Variants in WDR11 observed in about 807,000 individuals in gnomAD.
The protein encoded by WDR11 is WD repeat-containing protein 11.
A neutral mutation model predicts 151.2 loss-of-function variants in WDR11; 83 were observed. The observed-to-expected ratio is 0.55, with a 90% CI of 0.46 to 0.66. WDR11 has a LOEUF of 0.66. Ranked by LOEUF, WDR11 falls within the 30% of genes least tolerant of loss-of-function variation. The pLI, the probability that WDR11 is intolerant of heterozygous loss-of-function variation, is 0.00. For missense variants in WDR11, 1,301 were observed against 1,480.9 expected (o/e 0.88, Z 1.99); for synonymous variants, 484 against 533.1 (o/e 0.91, Z 1.27).
intron 26 of WDR11, 126 bp from the exon 27 acceptor site, chr10:120,905,750 G>A: frequency 3.3e-6 from 5 of 1,527,794 alleles, no homozygotes; most frequent in South Asian, 2.3e-5. Context: ...CAGCTTCAGG[G>A]CAGTGTGCTA....
intron 10 of WDR11, 41 bp downstream of exon 10, chr10:120,871,387 A>AAG (rs1564949112): frequency 6.3e-7 from 1 of 1,586,026 alleles, no homozygotes; most frequent in African/African-American, 1.4e-5. Context: ...AACTCACTTT[A>AAG]TAAGATGTTT....
intron 13 of WDR11, among the ~76,000 whole-genome samples, chr10:120,882,832 T>A (rs1391706333): frequency 6.6e-6 from 1 of 152,106 alleles, no homozygotes; most frequent in African/African-American, 2.4e-5. Context: ...TCTGTCATGC[T>A]TATCTTTTGT....
Position 120,866,773 on chromosome 10 carries a change from A to T in WDR11, c.1190+9A>T. On this transcript the variant is annotated intron_variant, in intron 8 of 28. Coordinates refer to ENST00000263461, the MANE Select transcript of WDR11 (RefSeq NM_018117.12). ...CGAAATTCACGGAACAGGTAAATGAATCAACAGGATCATGGTTTTGTTTTT... is the reference window on the plus strand; with the variant it reads ...CGAAATTCACGGAACAGGTAAATGATTCAACAGGATCATGGTTTTGTTTTT... 6.2e-7 allele frequency: 1 copy of T among 1,614,104 alleles called. No individual in the cohort carries two copies. Among genetic ancestry groups the T allele is most frequent in the South Asian group, 1.1e-5 (1 of 91,064 alleles).
chr10:120,863,470 G>A (rs892129042), intron 5 of WDR11, among the ~76,000 whole-genome samples: 7 of 152,136 alleles, frequency 4.6e-5, no homozygotes, highest in Non-Finnish European at 8.8e-5. Flanking sequence ...GTATTTCATA[G>A]GGTTGTTTTA....
At chr10:120,870,994 A>G (rs1846516981) in intron 9 of WDR11, among the ~76,000 whole-genome samples, 176 bp from the exon 10 acceptor site, 1 of 152,202 alleles carries the variant, frequency 6.6e-6, no homozygotes. Context: ...ATGCAATTTA[A>G]GTCCTATAGC....
intron 3 of WDR11, among the ~76,000 whole-genome samples, chr10:120,859,772 T>C (rs1202173012): frequency 2.0e-5 from 3 of 152,202 alleles, no homozygotes; most frequent in African/African-American, 7.2e-5. Flanking sequence ...TAGGAAAGTC[T>C]GACATCTTGG....
intron 21 of WDR11, among the ~76,000 whole-genome samples, chr10:120,901,509 A>G (rs1290446855): frequency 1.3e-5 from 2 of 152,230 alleles, no homozygotes; most frequent in African/African-American, 2.4e-5. Context: ...GCTGGTGTGC[A>G]CAGGTCTGGC....
Position 120,880,903 on chromosome 10 carries a change from T to TA in WDR11, c.1739+4dup. 1 of 1,590,332 alleles carries TA rather than the reference T, an allele frequency of 6.3e-7. No individual in the cohort carries two copies. The highest frequency in any genetic ancestry group is 8.6e-7 in the Non-Finnish European group (1 of 1,164,814). On this transcript the variant is annotated splice_region_variant and intron_variant, in intron 13 of 28. Transcript: ENST00000263461. ...AATGATTAAAGTATCTCATTTGAAG[T>TA]AAGTGTCAACCTAAAAAAAAATCTA...
intron 14 of WDR11, 80 bp from the exon 15 acceptor site, chr10:120,885,734 G>A: frequency 4.5e-6 from 7 of 1,543,556 alleles, no homozygotes; most frequent in Non-Finnish European, 6.2e-6. Flanking sequence ...GGGCAGTGGT[G>A]TGTGTGCCCA....
At position 120,864,234 on chromosome 10, in the gene WDR11, C is replaced by A. The variant is rs1446011945; in HGVS notation, c.714-813C>A. Among the ~76,000 whole-genome samples the A allele has an allele frequency of 2.0e-5, 3 of 152,008 alleles. No homozygotes were observed. In the South Asian group the frequency reaches 6.2e-4, roughly 32 times the overall value. On this transcript the variant is annotated intron_variant, in intron 5 of 28. Coordinates refer to ENST00000263461, the MANE Select transcript of WDR11 (RefSeq NM_018117.12). Reference sequence around the variant, plus strand: ...GCTCACCCAACTAGGACATGGCAGTCGGGATTTTAATGCAATAAAAATTCC... The same window carrying A: ...GCTCACCCAACTAGGACATGGCAGTAGGGATTTTAATGCAATAAAAATTCC...
In WDR11 at chr10:120,874,198, TGTTGTTG is replaced by T. The variant is rs1564703281; in HGVS notation, c.1556+276_1556+282del. 8.6e-3 allele frequency among the ~76,000 whole-genome samples: 839 copies of T among 98,100 alleles called. 29 individuals are homozygous for T. The highest frequency in any genetic ancestry group is 0.018 in the East Asian group (52 of 2,826). 64.4% of individuals were successfully genotyped at this position (98,100 alleles called of 152,430 possible). On this transcript the variant is annotated intron_variant, in intron 11 of 28. Transcript: ENST00000263461. Reference sequence around the variant, plus strand: ...GCAGTTTTTTTTTTTTTTTTGTTGTTGTTGTTGTTGTTTGTTTTGTTTTGTTTTGTTT... The same window carrying T: ...GCAGTTTTTTTTTTTTTTTTGTTGTTTTGTTTGTTTTGTTTTGTTTTGTTT...
At chr10:120,860,015 T>C in intron 3 of WDR11, 94 bp from the exon 4 acceptor site, 1 of 1,457,260 alleles carries the variant, frequency 6.9e-7, no homozygotes, top group Non-Finnish European at 9.6e-7. Flanking sequence ...TTTTAAAGAT[T>C]ATATTTTAAA....
At chr10:120,881,324 GAA>G (rs1400026910) in intron 13 of WDR11, among the ~76,000 whole-genome samples, 2 of 152,048 alleles carry the variant, frequency 1.3e-5, no homozygotes, top group African/African-American at 2.4e-5. Context: ...AAATTACAAA[GAA>G]AGAGTAAGCT....
At chr10:120,884,378 CA>C (rs1321251372) in intron 14 of WDR11, among the ~76,000 whole-genome samples, 1 of 152,040 alleles carries the variant, frequency 6.6e-6, no homozygotes, top group Non-Finnish European at 1.5e-5. Flanking sequence ...TAAAGTAGCA[CA>C]AATCAAAGAG....
intron 8 of WDR11, 52 bp downstream of exon 8, chr10:120,866,816 T>C (rs770605542): frequency 5.6e-6 from 9 of 1,601,286 alleles, no homozygotes; most frequent in Non-Finnish European, 7.7e-6. Context: ...TGTTTCCTTT[T>C]ATAAAAAATT....
intron 28 of WDR11, 171 bp from the exon 29 acceptor site, chr10:120,908,385 C>G: frequency 1.5e-6 from 1 of 683,062 alleles, no homozygotes; most frequent in South Asian, 1.6e-5. Context: ...CGGGAATCAC[C>G]CTCTGCCCGC....
In WDR11 at chr10:120,877,623, C is replaced by CACAAA. The variant is rs370551914; in HGVS notation, c.1557-712_1557-708dup. ...GACAGTGAGACCCTGTCTCAAAAAA[C>CACAAA]ACAAAACAAAACAAAACAAAACTTT... On this transcript the variant is annotated intron_variant, in intron 11 of 28. Coordinates refer to ENST00000263461, the MANE Select transcript of WDR11 (RefSeq NM_018117.12). 5.3e-5 allele frequency among the ~76,000 whole-genome samples: 8 copies of CACAAA among 152,020 alleles called. No individual in the cohort carries two copies. In the South Asian group the frequency reaches 1.0e-3, roughly 20 times the overall value.
intron 19 of WDR11, 65 bp downstream of exon 19, chr10:120,890,952 T>C: frequency 6.6e-7 from 1 of 1,521,084 alleles, no homozygotes; most frequent in Non-Finnish European, 9.1e-7. Flanking sequence ...CTCTTGTATT[T>C]TGGGGAGAGA....
intron 11 of WDR11, 35 bp from the exon 12 acceptor site, chr10:120,878,318 A>G (rs1846875289): frequency 6.8e-7 from 1 of 1,472,692 alleles, no homozygotes; most frequent in African/African-American, 1.4e-5. Context: ...TAAAAAAGAG[A>G]ATTAGTTTAA....
Sources: gnomAD v4.1 joint callset for allele counts (sites outside exome capture counted in the v4.1 genomes callset) on GRCh38, gnomAD v4.1.1 for gene constraint, MANE v1.5 for transcripts, NCBI Gene and HGNC (gene_info 2026-07-23, HGNC 2026-07-21) for gene names.